ULK4: variants seen among roughly 807,000 people sequenced by gnomAD.
The protein encoded by ULK4 is unc-51 like kinase 4.
In ULK4, 133 loss-of-function variants were observed where a neutral mutation model predicts 160.6. The observed-to-expected ratio is 0.83, with a 90% confidence interval of 0.72 to 0.96. The LOEUF is 0.96. Ranked by LOEUF, ULK4 falls within the 40% of genes least tolerant of loss-of-function variation. The pLI is 0.00. For synonymous variants in ULK4, 534 were observed against 539.8 expected (o/e 0.99, Z 0.15); for missense variants, 1,580 against 1,499.5 (o/e 1.05, Z -0.89).
At chr3:41,882,526 T>C (rs924708959) in intron 17 of ULK4, among the ~76,000 whole-genome samples, 1 of 152,244 alleles carries the variant, frequency 6.6e-6, no homozygotes, top group African/African-American at 2.4e-5. Flanking sequence ...TTCATAATCT[T>C]TATCCTCTTT....
intron 27 of ULK4, among the ~76,000 whole-genome samples, chr3:41,683,861 G>A (rs1354195651): frequency 6.6e-6 from 1 of 152,040 alleles, no homozygotes; most frequent in Non-Finnish European, 1.5e-5. Flanking sequence ...CACGCCTTGT[G>A]GGAAAGGGAA....
At chr3:41,672,901 A>G (rs963123856) in intron 29 of ULK4, among the ~76,000 whole-genome samples, 4 of 152,140 alleles carry the variant, frequency 2.6e-5, no homozygotes, top group Admixed American at 6.5e-5. Context: ...CAGTGGCACA[A>G]TCACAGTTCA....
intron 31 of ULK4, among the ~76,000 whole-genome samples, chr3:41,577,284 T>G (rs1483460510): frequency 6.6e-6 from 1 of 152,234 alleles, no homozygotes; most frequent in African/African-American, 2.4e-5. Flanking sequence ...AATAAGCTAC[T>G]AGACCTTGGA....
chr3:41,549,232 T>C (rs1297406591), intron 32 of ULK4, among the ~76,000 whole-genome samples: 3 of 152,012 alleles, frequency 2.0e-5, no homozygotes, highest in East Asian at 1.9e-4. Flanking sequence ...TGAAAAAGAA[T>C]TGAAACTAAT....
intron 16 of ULK4, among the ~76,000 whole-genome samples, chr3:41,886,004 C>T (rs1697707190): frequency 6.6e-6 from 1 of 152,078 alleles, no homozygotes; most frequent in African/African-American, 2.4e-5. Context: ...AAATTACCCC[C>T]ACAGCTGAGG....
intron 35 of ULK4, among the ~76,000 whole-genome samples, chr3:41,357,482 T>C (rs552525880): frequency 3.3e-5 from 5 of 152,266 alleles, no homozygotes; most frequent in Admixed American, 3.3e-4. Context: ...GATGTAATTA[T>C]AGATTGCATG....
chr3:41,643,197 T>C (rs563468531), intron 30 of ULK4, among the ~76,000 whole-genome samples: 1 of 152,266 alleles, frequency 6.6e-6, no homozygotes, highest in South Asian at 2.1e-4. Context: ...TTAGTTTAAT[T>C]AGATCCCATT....
intron 30 of ULK4, among the ~76,000 whole-genome samples, chr3:41,647,092 G>A (rs75315452): frequency 6.6e-5 from 10 of 151,788 alleles, no homozygotes; most frequent in African/African-American, 1.5e-4. Context: ...TTATACATTC[G>A]TCTAAATTTT....
chr3:41,246,747 G>T lies in ULK4; in HGVS notation c.*182C>A. The T allele has an allele frequency of 1.1e-5, 7 of 617,808 alleles. No individual in the cohort carries two copies. The South Asian group carries it at 1.6e-4, about 14-fold the overall frequency. 38.3% of individuals were successfully genotyped at this position (617,808 alleles called of 1,614,324 possible). On this transcript the variant is annotated 3_prime_UTR_variant, in exon 37 of 37. Coordinates refer to ENST00000301831, the MANE Select transcript of ULK4 (RefSeq NM_017886.4). ...CACAGGAACCAAGGAAGTCCATTCT[G>T]AGTCAGTTTTCTAGGCCCTGGGGTT...
At chr3:41,652,914 T>A (rs750877359) in intron 30 of ULK4, among the ~76,000 whole-genome samples, 1 of 152,218 alleles carries the variant, frequency 6.6e-6, no homozygotes, top group Admixed American at 6.5e-5. Context: ...TCACATTGAT[T>A]GTGGGGCTTA....
chr3:41,634,743 T>C (rs998528428), intron 30 of ULK4, among the ~76,000 whole-genome samples: 1 of 152,076 alleles, frequency 6.6e-6, no homozygotes, highest in Admixed American at 6.6e-5. Context: ...TTGATTTCTG[T>C]AGGAAAAGTT....
chr3:41,841,661 C>T (rs528957173), intron 17 of ULK4, among the ~76,000 whole-genome samples: 11 of 152,066 alleles, frequency 7.2e-5, no homozygotes, highest in Non-Finnish European at 1.5e-4. Context: ...CCATCGAGAA[C>T]GGGCCATGAT....
intron 35 of ULK4, among the ~76,000 whole-genome samples, chr3:41,318,953 G>A (rs2125728255): frequency 6.6e-6 from 1 of 152,268 alleles, no homozygotes; most frequent in Middle Eastern, 3.4e-3. Flanking sequence ...AAGAACTACG[G>A]TATGGAAGAA....
intron 35 of ULK4, among the ~76,000 whole-genome samples, chr3:41,340,283 T>A (rs2080654590): frequency 6.6e-6 from 1 of 152,226 alleles, no homozygotes; most frequent in African/African-American, 2.4e-5. Flanking sequence ...TCAGATATTG[T>A]TAGAAGGTAA....
In ULK4 at chr3:41,398,958, T is replaced by C. The variant is rs116580712; in HGVS notation, c.3493-694A>G. Reference sequence around the variant, plus strand: ...TGTGGTGAGAACATTCCAAATCCTCTCTTCTAGCTATTTTGAAATATATAT... The same window carrying C: ...TGTGGTGAGAACATTCCAAATCCTCCCTTCTAGCTATTTTGAAATATATAT... On this transcript the variant is annotated intron_variant, in intron 34 of 36. Coordinates refer to ENST00000301831, the MANE Select transcript of ULK4 (RefSeq NM_017886.4). 3.1e-3 allele frequency among the ~76,000 whole-genome samples: 478 copies of C among 152,198 alleles called. 1 individual carries two copies. The highest frequency in any genetic ancestry group is 0.011 in the African/African-American group (447 of 41,518).
intron 32 of ULK4, among the ~76,000 whole-genome samples, chr3:41,488,795 T>G (rs142252154): frequency 1.3e-5 from 2 of 152,190 alleles, no homozygotes; most frequent in South Asian, 4.1e-4. Flanking sequence ...CTGAGAAAAG[T>G]ACCACTTGGC....
chr3:41,798,443 A>G (rs2040363283), intron 20 of ULK4, among the ~76,000 whole-genome samples: 3 of 152,198 alleles, frequency 2.0e-5, no homozygotes, highest in African/African-American at 7.2e-5. Flanking sequence ...CCTGAAACAG[A>G]CGTGTGTATA....
chr3:41,286,378 G>C (rs547946967), intron 35 of ULK4, among the ~76,000 whole-genome samples: 40 of 152,144 alleles, frequency 2.6e-4, no homozygotes, highest in African/African-American at 9.4e-4. Flanking sequence ...AAGTTAACCT[G>C]GTAGCTACAT....
chr3:41,610,139 C>T (rs1575480608), intron 31 of ULK4, among the ~76,000 whole-genome samples: 1 of 151,668 alleles, frequency 6.6e-6, no homozygotes, highest in Non-Finnish European at 1.5e-5. Flanking sequence ...CCTCAGCCTC[C>T]CCAGTAGTTG....
Sources: gnomAD v4.1 joint callset for allele counts (sites outside exome capture counted in the v4.1 genomes callset) on GRCh38, gnomAD v4.1.1 for gene constraint, MANE v1.5 for transcripts, NCBI Gene and HGNC (gene_info 2026-07-23, HGNC 2026-07-21) for gene names.